MDM1: variants seen among roughly 807,000 people sequenced by gnomAD.
The protein encoded by MDM1 is Mdm1 nuclear protein.
MDM1 carries 61 observed loss-of-function variants against 89.1 expected under a neutral mutation model. The observed-to-expected ratio is 0.68, with a 90% CI of 0.56 to 0.85. The LOEUF is 0.85. Among genes scored for constraint, MDM1 ranks in the 40% least tolerant of loss-of-function variants. The pLI is 0.00. For missense variants in MDM1, 820 were observed against 846.5 expected, an observed-to-expected ratio of 0.97 and a Z score of 0.39; for synonymous variants, 290 against 294.1, an observed-to-expected ratio of 0.99 and a Z score of 0.14.
intron 12 of MDM1, 22 bp from the exon 13 acceptor site, chr12:68,302,894 A>AG: frequency 6.5e-7 from 1 of 1,549,842 alleles, no homozygotes; most frequent in Non-Finnish European, 8.6e-7. Flanking sequence ...AAAAAAAAAA[A>AG]AAAAAAAGAT....
intron 7 of MDM1, among the ~76,000 whole-genome samples, chr12:68,319,426 T>C (rs892805688): frequency 2.6e-5 from 4 of 152,196 alleles, no homozygotes; most frequent in Non-Finnish European, 4.4e-5. Context: ...TGAGTTAATA[T>C]TCCAACAACA....
At position 68,315,092 on chromosome 12, in the gene MDM1, T is replaced by A. The variant is rs2120985330; in HGVS notation, c.1385A>T (p.Asp462Val). The A allele has an allele frequency of 6.2e-7, 1 of 1,614,134 alleles. No individual in the cohort carries two copies. The highest frequency in any genetic ancestry group is 1.6e-4 in the Middle Eastern group (1 of 6,062). ...LAWDTENTSE[D>V]VQKQPGEKEE... ...TTTCTCCCCGGGCTGTTTCTGTACG[T>A]CTTCACTTGTGTTCTCTGTATCCCA... The change falls in exon 10 of 15, where the codon GAC (aspartate) becomes GTC (valine). Residue 462 changes from aspartate to valine, a missense_variant. Coordinates refer to ENST00000682720, the MANE Select transcript of MDM1 (RefSeq NM_001354969.2).
chr12:68,313,868 G>A (rs940112931), intron 10 of MDM1, 115 bp from the exon 11 acceptor site: 25 of 878,566 alleles, frequency 2.8e-5, no homozygotes, highest in Admixed American at 1.7e-4. Flanking sequence ...GAGGCCAGGC[G>A]CGGTGGCTCA....
At position 68,327,032 on chromosome 12, in the gene MDM1, C is replaced by G. The variant is rs561002989; in HGVS notation, c.134-11G>C. ...GCTCTTTCGTGATGCCTACAAAACA[C>G]GGTATACAAAAATAGTAGCTACTAA... is the stretch of plus-strand genomic sequence containing the variant. On this transcript the variant is annotated splice_polypyrimidine_tract_variant and intron_variant, in intron 2 of 14. Coordinates refer to ENST00000682720, the MANE Select transcript of MDM1 (RefSeq NM_001354969.2). 4 of 1,560,102 alleles carry G rather than the reference C, an allele frequency of 2.6e-6. No homozygotes were observed. The Admixed American group carries it at 6.0e-5, about 23-fold the overall frequency.
chr12:68,307,601 A>C (rs1009366648), intron 12 of MDM1, among the ~76,000 whole-genome samples: 4 of 152,176 alleles, frequency 2.6e-5, no homozygotes, highest in African/African-American at 9.7e-5. Context: ...TGATTGCACC[A>C]ATGCACTCTG....
At chr12:68,307,957 T>A (rs1193658798) in intron 12 of MDM1, among the ~76,000 whole-genome samples, 2 of 141,786 alleles carry the variant, frequency 1.4e-5, no homozygotes, top group Non-Finnish European at 1.6e-5. Flanking sequence ...AAAAAGTGAA[T>A]ATAAAATTAA....
chr12:68,326,363 TG>T (rs1329769520), intron 3 of MDM1: 1 of 1,417,004 alleles, frequency 7.1e-7, no homozygotes, highest in East Asian at 2.5e-5. Context: ...TGTCTCAACT[TG>T]ATCTCTCCCT....
At chr12:68,315,820 C>T (rs905328800) in intron 9 of MDM1, among the ~76,000 whole-genome samples, 5 of 152,042 alleles carry the variant, frequency 3.3e-5, no homozygotes, top group Non-Finnish European at 7.4e-5. Context: ...TGTAATCATC[C>T]CTACTCCGCT....
At chr12:68,332,193 C>A in intron 1 of MDM1, 35 bp downstream of exon 1, 2 of 1,533,840 alleles carry the variant, frequency 1.3e-6, no homozygotes, top group Non-Finnish European at 1.8e-6. Context: ...ATGGCTCCCC[C>A]CAGCCACATT....
At position 68,313,490 on chromosome 12, in the gene MDM1, T is replaced by A; in HGVS notation, c.1702A>T (p.Met568Leu). 6.2e-7 allele frequency: 1 copy of A among 1,614,080 alleles called. No individual in the cohort carries two copies. The highest frequency in any genetic ancestry group is 8.5e-7 in the Non-Finnish European group (1 of 1,179,908). The change falls in exon 12 of 15, where the codon ATG (methionine) becomes TTG (leucine). Residue 568 changes from methionine (M) to leucine (L), a missense_variant. Met to Leu is a conservative substitution (Grantham distance 15, BLOSUM62 2). Transcript: ENST00000682720. ...GTTTCTAAACAATCCTGAGAGGTCA[T>A]TCTTTTCCTCTGTTCTGGGGCTGGA... ...KPPAPEQRKRMTSQDCLETSK... is the reference protein window; with the variant it reads ...KPPAPEQRKRLTSQDCLETSK...
At chr12:68,320,063 T>A (rs1157414827) in intron 7 of MDM1, among the ~76,000 whole-genome samples, 1 of 152,220 alleles carries the variant, frequency 6.6e-6, no homozygotes, top group Non-Finnish European at 1.5e-5. Flanking sequence ...CAACCTAGTG[T>A]CACGCCTAAA....
chr12:68,308,758 T>C (rs1176862939), intron 12 of MDM1, among the ~76,000 whole-genome samples: 2 of 152,186 alleles, frequency 1.3e-5, no homozygotes, highest in African/African-American at 4.8e-5. Context: ...AATATTGAAT[T>C]GAATGAATGA....
At chr12:68,313,415 G>C in intron 12 of MDM1, 28 bp downstream of exon 12, 1 of 1,467,088 alleles carries the variant, frequency 6.8e-7, no homozygotes, top group Non-Finnish European at 9.5e-7. Flanking sequence ...TCCTAGATGA[G>C]ATGCTTTTTT....
chr12:68,318,924 C>T (rs1200641453), intron 7 of MDM1, among the ~76,000 whole-genome samples: 1 of 152,146 alleles, frequency 6.6e-6, no homozygotes, highest in Non-Finnish European at 1.5e-5. Flanking sequence ...TACCCAAAAA[C>T]CATCCCCCCA....
At position 68,325,438 on chromosome 12, in the gene MDM1, T is replaced by C. The variant is rs1240020359; in HGVS notation, c.633+3A>G. 1 of 1,562,664 alleles carries C rather than the reference T, an allele frequency of 6.4e-7. No homozygotes were observed. The highest frequency in any genetic ancestry group is 1.4e-5 in the African/African-American group (1 of 72,716). On this transcript the variant is annotated splice_donor_region_variant and intron_variant, in intron 4 of 14. Coordinates refer to ENST00000682720, the MANE Select transcript of MDM1 (RefSeq NM_001354969.2). ...CAGAAATGTATTACATCCATTAAGC[T>C]ACCTGATTGGCTGCAAAAGCTGGAG...
intron 12 of MDM1, 118 bp from the exon 13 acceptor site, chr12:68,302,990 ATTT>A: frequency 1.3e-6 from 1 of 770,998 alleles, no homozygotes; most frequent in Non-Finnish European, 1.9e-6. Context: ...ATATGAGAGA[ATTT>A]ATGCAACATC....
chr12:68,316,659 T>C (rs1439914701), intron 7 of MDM1, 49 bp from the exon 8 acceptor site: 19 of 1,363,724 alleles, frequency 1.4e-5, no homozygotes, highest in African/African-American at 8.6e-5. Flanking sequence ...AATGCCATAA[T>C]TGAATATTAA....
chr12:68,325,413 C>G (rs1875820749), intron 4 of MDM1, 28 bp downstream of exon 4: 4 of 1,468,488 alleles, frequency 2.7e-6, no homozygotes, highest in Non-Finnish European at 3.6e-6. Flanking sequence ...TAATGGTACT[C>G]AGAAATGTAT....
intron 12 of MDM1, among the ~76,000 whole-genome samples, chr12:68,305,493 A>G (rs988366367): frequency 6.6e-6 from 1 of 152,196 alleles, no homozygotes; most frequent in Non-Finnish European, 1.5e-5. Context: ...TCACAATATG[A>G]TTCTAAACCT....
Sources: gnomAD v4.1 joint callset for allele counts (sites outside exome capture counted in the v4.1 genomes callset) on GRCh38, gnomAD v4.1.1 for gene constraint, MANE v1.5 for transcripts, NCBI Gene and HGNC (gene_info 2026-07-23, HGNC 2026-07-21) for gene names.